Variants in TRAF3 observed in about 807,000 individuals in gnomAD.
The protein encoded by TRAF3 is TNF receptor-associated factor 3.
In TRAF3, 13 loss-of-function variants were observed where a neutral mutation model predicts 62.3. That is an observed-to-expected ratio of 0.21 (90% CI 0.14 to 0.33). The LOEUF is 0.33. Among genes scored for constraint, TRAF3 ranks in the 10% least tolerant of loss-of-function variants. The pLI is 1.00. For synonymous variants in TRAF3, 269 were observed against 283.4 expected (o/e 0.95, Z 0.51); for missense variants, 440 against 741.8 (o/e 0.59, Z 4.73).
At chr14:102,850,986 G>T (rs943623601) in intron 2 of TRAF3, among the ~76,000 whole-genome samples, 1 of 152,206 alleles carries the variant, frequency 6.6e-6, no homozygotes, top group African/African-American at 2.4e-5. Flanking sequence ...TTCCCAGCAT[G>T]TGTATGATTG....
chr14:102,870,561 C>T, intron 3 of TRAF3, 115 bp downstream of exon 3: 1 of 1,406,984 alleles, frequency 7.1e-7, no homozygotes, highest in Non-Finnish European at 9.6e-7. Flanking sequence ...CTAAAGAAGT[C>T]CATAAAAGCC....
chr14:102,863,704 T>A (rs1887810556), intron 2 of TRAF3, among the ~76,000 whole-genome samples: 1 of 152,228 alleles, frequency 6.6e-6, no homozygotes, highest in African/African-American at 2.4e-5. Context: ...CTTCCCAAGC[T>A]TTTGGTTAAA....
intron 2 of TRAF3, among the ~76,000 whole-genome samples, chr14:102,840,638 T>C (rs945104056): frequency 1.1e-4 from 16 of 152,190 alleles, no homozygotes; most frequent in African/African-American, 3.9e-4. Flanking sequence ...TATAAAACTT[T>C]GGTATTTTGT....
intron 1 of TRAF3, among the ~76,000 whole-genome samples, chr14:102,778,285 T>C (rs908178787): frequency 1.3e-5 from 2 of 151,678 alleles, no homozygotes; most frequent in Admixed American, 6.6e-5. Context: ...GGCCGCGGGC[T>C]CTGCGTCTTC....
Position 102,903,850 on chromosome 14 carries a change from T to G in TRAF3, c.1135+421T>G. On this transcript the variant is annotated intron_variant, in intron 11 of 11. Coordinates refer to ENST00000392745, the MANE Select transcript of TRAF3 (RefSeq NM_145725.3). This position sits in a 1 kb window ranked among gnomAD's most constrained non-coding sequence, Gnocchi z 6.4. ...CCGCGCTCTGCCAGCATGTTTCTGATCCACAAGCAGATGTGGGCCTATGGC... is the reference window on the plus strand; with the variant it reads ...CCGCGCTCTGCCAGCATGTTTCTGAGCCACAAGCAGATGTGGGCCTATGGC... 1 of 456,716 alleles carries G rather than the reference T, an allele frequency of 2.2e-6. No homozygotes were observed. Among genetic ancestry groups the G allele is most frequent in the Admixed American group, 2.4e-5 (1 of 42,126 alleles). 28.3% of individuals were successfully genotyped at this position (456,716 alleles called of 1,614,324 possible).
At chr14:102,851,996 C>T (rs186255179) in intron 2 of TRAF3, among the ~76,000 whole-genome samples, 25 of 140,184 alleles carry the variant, frequency 1.8e-4, no homozygotes, top group Admixed American at 5.0e-4. Flanking sequence ...TCAAGGCTGC[C>T]GTGAGCCATG....
intron 1 of TRAF3, among the ~76,000 whole-genome samples, chr14:102,823,023 A>G (rs1205276749): frequency 1.3e-5 from 2 of 152,062 alleles, no homozygotes; most frequent in Non-Finnish European, 2.9e-5. Context: ...AAAAAAAAGA[A>G]ACACATGTTA....
chr14:102,778,256 G>T (rs1417151972), intron 1 of TRAF3, among the ~76,000 whole-genome samples: 1 of 151,796 alleles, frequency 6.6e-6, no homozygotes, highest in South Asian at 2.1e-4. Flanking sequence ...GGCGACTCCC[G>T]GGGCACCGGG....
rs1237516343 is a variant in TRAF3 at position 102,894,980 on chromosome 14, G to A, written c.820-2281G>A. On this transcript the variant is annotated intron_variant, in intron 9 of 11. Transcript: ENST00000392745. ...GCCTTCCAAAGTGCTGAGACTACAC[G>A]TATGAGCCATCACAGCTGGCCTATT... 3.2e-5 allele frequency: 14 copies of A among 433,788 alleles called. 1 individual carries two copies. Among genetic ancestry groups the A allele is most frequent in the African/African-American group, 6.0e-5 (3 of 49,670 alleles). The allele number at this position is 433,788 out of a possible 1,614,324, so 26.9% of individuals were successfully genotyped here.
chr14:102,798,830 G>A (rs557124882), intron 1 of TRAF3, among the ~76,000 whole-genome samples: 4 of 152,272 alleles, frequency 2.6e-5, no homozygotes, highest in African/African-American at 9.6e-5. Context: ...ACAGTGCTAG[G>A]TAAATGCATA....
rs77111999 is a variant in TRAF3 at position 102,870,181 on chromosome 14, A to G, written c.-17-4A>G. On this transcript the variant is annotated splice_polypyrimidine_tract_variant and splice_region_variant and intron_variant, in intron 2 of 11. Transcript: ENST00000392745. ...GATGGCACTCTACTGTTTTTTCCCG[A>G]CAGAACTCCTCTTTCCTAAAATGGA... 926 of 1,614,038 alleles carry G rather than the reference A, an allele frequency of 5.7e-4. 3 individuals are homozygous for G. The African/African-American group carries it at 0.01, about 18-fold the overall frequency.
intron 2 of TRAF3, among the ~76,000 whole-genome samples, chr14:102,860,795 G>A (rs997171186): frequency 1.3e-5 from 2 of 152,242 alleles, no homozygotes; most frequent in Non-Finnish European, 2.9e-5. Flanking sequence ...TTCCCAGAAG[G>A]AGCCCAGAGC....
chr14:102,811,913 C>CT (rs71119743), intron 1 of TRAF3, among the ~76,000 whole-genome samples: 638 of 46,866 alleles, frequency 0.014, 105 homozygotes, highest in African/African-American at 0.018. Flanking sequence ...ATGCCTGGCC[C>CT]TTTTTTTTTT....
chr14:102,799,350 C>T (rs1422852554), intron 1 of TRAF3, among the ~76,000 whole-genome samples: 1 of 152,200 alleles, frequency 6.6e-6, no homozygotes, highest in East Asian at 1.9e-4. Flanking sequence ...TCAGAATACA[C>T]AGTTTGATTA....
At chr14:102,893,492 G>A (rs919233927) in intron 9 of TRAF3, among the ~76,000 whole-genome samples, 5 of 152,162 alleles carry the variant, frequency 3.3e-5, no homozygotes, top group African/African-American at 7.2e-5. Context: ...GTTGTGGACC[G>A]TGGTGTCATC....
chr14:102,889,296 A>G (rs1889576675), intron 7 of TRAF3, among the ~76,000 whole-genome samples: 1 of 152,200 alleles, frequency 6.6e-6, no homozygotes, highest in Admixed American at 6.5e-5. Flanking sequence ...ATGGCATGTC[A>G]CATTGAACAA....
intron 2 of TRAF3, among the ~76,000 whole-genome samples, chr14:102,845,558 C>T (rs1886654496): frequency 6.6e-6 from 1 of 150,996 alleles, no homozygotes. Flanking sequence ...CTCTGTCACC[C>T]AGGCTGGAGT....
intron 2 of TRAF3, among the ~76,000 whole-genome samples, chr14:102,845,681 A>G (rs1363356169): frequency 6.6e-6 from 1 of 151,338 alleles, no homozygotes; most frequent in African/African-American, 2.4e-5. Context: ...ATGCGTGGCT[A>G]ATTTTTTTGT....
intron 2 of TRAF3, among the ~76,000 whole-genome samples, chr14:102,837,118 T>TTGTG (rs139388630): frequency 2.3e-4 from 18 of 78,356 alleles, no homozygotes; most frequent in African/African-American, 3.9e-4. Context: ...AGCAAGTAAT[T>TTGTG]TGTGTGTGTG....
Sources: gnomAD v4.1 joint callset for allele counts (sites outside exome capture counted in the v4.1 genomes callset) on GRCh38, gnomAD v4.1.1 for gene constraint, Gnocchi (gnomAD v3.1) non-coding constraint, MANE v1.5 for transcripts, NCBI Gene and HGNC (gene_info 2026-07-23, HGNC 2026-07-21) for gene names.